ANGPT1: variants seen among roughly 807,000 people sequenced by gnomAD.
The protein encoded by ANGPT1 is angiopoietin 1, also known as angiopoietin-1.
ANGPT1 carries 17 observed loss-of-function variants against 62.2 expected under a neutral mutation model. That is an observed-to-expected ratio of 0.27 (90% CI 0.19 to 0.41). The LOEUF (loss-of-function observed/expected upper bound fraction) is 0.41, where lower values mean the gene tolerates loss of function less well. ANGPT1 is among the 10% of genes least tolerant of loss of function. The probability of loss-of-function intolerance (pLI) is 1.00; values close to 1 mark genes in which losing one functional copy is unlikely to be tolerated. For synonymous variants in ANGPT1, 199 were observed against 198.9 expected (o/e 1.00, Z 0.00); for missense variants, 478 against 594.9 (o/e 0.80, Z 2.04).
chr8:107,472,588 A>G (rs1016631460), intron 1 of ANGPT1, among the ~76,000 whole-genome samples: 1 of 152,116 alleles, frequency 6.6e-6, no homozygotes, highest in Non-Finnish European at 1.5e-5. Context: ...CATATTCTAT[A>G]TACCAAGCTT....
intron 3 of ANGPT1, among the ~76,000 whole-genome samples, chr8:107,333,968 A>AG (rs1815488396): frequency 1.0e-5 from 1 of 99,780 alleles, no homozygotes; most frequent in African/African-American, 4.1e-5. Flanking sequence ...AAAGAAAGAA[A>AG]GAAAGGAGGG....
intron 1 of ANGPT1, among the ~76,000 whole-genome samples, chr8:107,365,422 G>T (rs992444363): frequency 6.6e-6 from 1 of 152,066 alleles, no homozygotes; most frequent in Admixed American, 6.6e-5. Flanking sequence ...AACTAAAAAC[G>T]TCCTTGTGGA....
intron 2 of ANGPT1, among the ~76,000 whole-genome samples, chr8:107,340,856 T>A (rs1815682019): frequency 1.3e-5 from 2 of 152,118 alleles, no homozygotes; most frequent in African/African-American, 2.4e-5. Context: ...TTATGTTTCC[T>A]TTTGCTTTAT....
intron 7 of ANGPT1, among the ~76,000 whole-genome samples, chr8:107,278,612 C>T (rs1453765936): frequency 1.3e-5 from 2 of 152,112 alleles, no homozygotes; most frequent in East Asian, 1.9e-4. Context: ...ATTTGGAAGG[C>T]GAAAGTGAAG....
In ANGPT1 at chr8:107,322,091, G is replaced by T. The variant is rs768648262; in HGVS notation, c.613C>A (p.His205Asn). ...EHKILEMEGK[H>N]KEELDTLKEE... ...TTTAAGGTGTCCAACTCTTCCTTGT[G>T]TTTTCCTTCCATTTCTAAGATTTTA... The change falls in exon 4 of 9, where the codon CAC (histidine) becomes AAC (asparagine). Residue 205 changes from histidine (H) to asparagine (N), a missense_variant. Around this residue, in one of 4 missense-constraint regions of ANGPT1, gnomAD observed 343 missense variants for 355.4 expected, o/e 0.97. Coordinates refer to ENST00000517746, the MANE Select transcript of ANGPT1 (RefSeq NM_001146.5). 1 of 1,613,398 alleles carries T rather than the reference G, an allele frequency of 6.2e-7. No individual in the cohort carries two copies. The highest frequency in any genetic ancestry group is 1.7e-5 in the Admixed American group (1 of 59,930).
At chr8:107,410,998 G>A (rs1260661797) in intron 1 of ANGPT1, among the ~76,000 whole-genome samples, 2 of 151,974 alleles carry the variant, frequency 1.3e-5, no homozygotes, top group African/African-American at 2.4e-5. Flanking sequence ...GATATCATGA[G>A]CTAAATAACA....
intron 1 of ANGPT1, among the ~76,000 whole-genome samples, chr8:107,356,244 G>GA (rs771121525): frequency 2.1e-4 from 32 of 152,150 alleles, no homozygotes; most frequent in Admixed American, 6.5e-5. Flanking sequence ...TCTCGACTAT[G>GA]AGTCATTGTT....
intron 4 of ANGPT1, among the ~76,000 whole-genome samples, chr8:107,312,087 G>A (rs919104102): frequency 2.0e-5 from 3 of 151,170 alleles, no homozygotes; most frequent in Admixed American, 6.6e-5. Flanking sequence ...AAAAAAGAAT[G>A]GGGAAAAATA....
chr8:107,281,070 A>G (rs1813992988), intron 7 of ANGPT1, among the ~76,000 whole-genome samples: 1 of 152,084 alleles, frequency 6.6e-6, no homozygotes, highest in South Asian at 2.1e-4. Context: ...TACAGATTTT[A>G]TTTTCTATCT....
chr8:107,430,074 G>A (rs1341664979), intron 1 of ANGPT1, among the ~76,000 whole-genome samples: 5 of 152,078 alleles, frequency 3.3e-5, no homozygotes, highest in African/African-American at 1.2e-4. Context: ...GAAACGTACT[G>A]AAAGAATGTG....
chr8:107,420,776 AC>A (rs1810876843), intron 1 of ANGPT1, among the ~76,000 whole-genome samples: 2 of 152,120 alleles, frequency 1.3e-5, no homozygotes, highest in South Asian at 4.1e-4. Flanking sequence ...ACACATAAGA[AC>A]TTTGTAAGAT....
chr8:107,437,451 T>C (rs1262256331), intron 1 of ANGPT1, among the ~76,000 whole-genome samples: 2 of 152,160 alleles, frequency 1.3e-5, no homozygotes, highest in Non-Finnish European at 2.9e-5. Flanking sequence ...CAAAGAGAGC[T>C]GAAGTATGTA....
intron 8 of ANGPT1, among the ~76,000 whole-genome samples, chr8:107,262,280 GATTT>G (rs1813510498): frequency 6.6e-6 from 1 of 152,258 alleles, no homozygotes; most frequent in South Asian, 2.1e-4. Context: ...TCAACCTAAT[GATTT>G]ATTTATTTGG....
chr8:107,480,778 T>C (rs866052726), intron 1 of ANGPT1, among the ~76,000 whole-genome samples: 4 of 152,178 alleles, frequency 2.6e-5, no homozygotes, highest in African/African-American at 9.6e-5. Flanking sequence ...AATTTTAATT[T>C]AAACAAGTGG....
chr8:107,249,872 A>T lies in ANGPT1; in HGVS notation c.*1983T>A, dbSNP rs530716899. 16 of 152,538 alleles carry T rather than the reference A, an allele frequency of 1.0e-4. No individual in the cohort carries two copies. Among genetic ancestry groups the T allele is most frequent in the Non-Finnish European group, 2.2e-4 (15 of 68,010 alleles). 9.4% of individuals were successfully genotyped at this position (152,538 alleles called of 1,614,324 possible). A position where few individuals can be genotyped will look rare whatever the true frequency, so the allele number is the denominator to read the frequency against. ...CTGTAGGAACACAAAAGGACAAAAT[A>T]CTCATTTTCTTTCCCTTAAATGAAA... is the stretch of plus-strand genomic sequence containing the variant. On this transcript the variant is annotated 3_prime_UTR_variant, in exon 9 of 9. Transcript: ENST00000517746.
At chr8:107,342,835 G>GTA (rs33926607) in intron 2 of ANGPT1, among the ~76,000 whole-genome samples, 136 of 142,132 alleles carry the variant, frequency 9.6e-4, no homozygotes, top group African/African-American at 1.5e-3. Context: ...ACACACAAGT[G>GTA]TATATATATA....
intron 1 of ANGPT1, among the ~76,000 whole-genome samples, chr8:107,488,520 C>G (rs1812874222): frequency 6.6e-6 from 1 of 152,074 alleles, no homozygotes; most frequent in Non-Finnish European, 1.5e-5. Flanking sequence ...GTTCGATTGC[C>G]AAGAATTATT....
At chr8:107,396,872 CCTA>C (rs1390093745) in intron 1 of ANGPT1, among the ~76,000 whole-genome samples, 3 of 151,916 alleles carry the variant, frequency 2.0e-5, no homozygotes, top group Non-Finnish European at 2.9e-5. Flanking sequence ...AGTTTTATTT[CCTA>C]CTATTTTATG....
At chr8:107,351,770 T>C (rs942124278) in intron 1 of ANGPT1, among the ~76,000 whole-genome samples, 6 of 152,068 alleles carry the variant, frequency 3.9e-5, no homozygotes, top group African/African-American at 1.4e-4. Context: ...TCTCATTAGT[T>C]CTTACCTTTT....
Sources: gnomAD v4.1 joint callset for allele counts (sites outside exome capture counted in the v4.1 genomes callset) on GRCh38, gnomAD v4.1.1 for gene constraint, gnomAD v4.1.1 regional missense constraint, MANE v1.5 for transcripts, NCBI Gene and HGNC (gene_info 2026-07-23, HGNC 2026-07-21) for gene names.